The following ADAMTS7 variants were observed in gnomAD, a reference collection of about 807,000 sequenced individuals.
ADAMTS7 encodes the protein ADAM metallopeptidase with thrombospondin type 1 motif 7.
In ADAMTS7, 89 loss-of-function variants were observed where a neutral mutation model predicts 172.6. That is an observed-to-expected ratio of 0.52 (90% CI 0.43 to 0.61). ADAMTS7 has a LOEUF of 0.61. ADAMTS7 is among the 20% of genes least tolerant of loss of function. The probability of loss-of-function intolerance (pLI) is 0.00; values close to 1 mark genes in which losing one functional copy is unlikely to be tolerated. For missense variants in ADAMTS7, 1,973 were observed against 2,355.6 expected, an observed-to-expected ratio of 0.84 and a Z score of 3.36; for synonymous variants, 885 against 978.4, an observed-to-expected ratio of 0.90 and a Z score of 1.78.
At position 78,765,640 on chromosome 15, in the gene ADAMTS7, C is replaced by T; in HGVS notation, c.4266+5G>A. The T allele has an allele frequency of 3.1e-6, 5 of 1,607,342 alleles. No individual in the cohort carries two copies. Among genetic ancestry groups the T allele is most frequent in the Non-Finnish European group, 3.4e-6 (4 of 1,178,168 alleles). ...CTCCCTGCCCGCCCAGCCCACACCA[C>T]TTGCCTCGCTCCAGTTTCCCGCTTG... is the stretch of plus-strand genomic sequence containing the variant. On this transcript the variant is annotated splice_donor_5th_base_variant and intron_variant, in intron 19 of 23. Coordinates refer to ENST00000388820, the MANE Select transcript of ADAMTS7 (RefSeq NM_014272.5).
intron 3 of ADAMTS7, 99 bp downstream of exon 3, chr15:78,797,849 G>A: frequency 7.4e-7 from 1 of 1,358,200 alleles, no homozygotes; most frequent in Non-Finnish European, 1.0e-6. Context: ...CTGGTCTAAG[G>A]GGCACTGGGC....
At chr15:78,800,678 G>C (rs552546000) in intron 1 of ADAMTS7, 131 bp from the exon 2 acceptor site, 1 of 789,794 alleles carries the variant, frequency 1.3e-6, no homozygotes, top group East Asian at 2.7e-5. Flanking sequence ...TCCTCGCCGG[G>C]CTATCTACTA....
chr15:78,771,926 G>C lies in ADAMTS7; in HGVS notation c.2132-97C>G, dbSNP rs1596180237. On this transcript the variant is annotated intron_variant, in intron 14 of 23. Transcript: ENST00000388820. The surrounding 1 kb of genome is among the most constrained non-coding windows in gnomAD (Gnocchi z 4.9). ...TGTCTCTCCCCACTTGCCTCCGCCT[G>C]CTGATGCCAAAGCTTTAAAGTCTGA... 1.3e-6 allele frequency: 2 copies of C among 1,499,964 alleles called. No individual in the cohort carries two copies. Among genetic ancestry groups the C allele is most frequent in the East Asian group, 4.6e-5 (2 of 43,542 alleles). The allele number at this position is 1,499,964 out of a possible 1,614,324, so 92.9% of individuals were successfully genotyped here.
At chr15:78,791,328 T>G in intron 4 of ADAMTS7, 105 bp from the exon 5 acceptor site, 1 of 854,084 alleles carries the variant, frequency 1.2e-6, no homozygotes, top group Non-Finnish European at 1.8e-6. Context: ...ACACCTGTGC[T>G]CACACACAGG....
At chr15:78,768,932 G>A (rs1208778973) in intron 16 of ADAMTS7, among the ~76,000 whole-genome samples, 2 of 152,224 alleles carry the variant, frequency 1.3e-5, no homozygotes, top group African/African-American at 2.4e-5. Context: ...GCTGGCTTGG[G>A]TGATGAGGCG....
intron 1 of ADAMTS7, among the ~76,000 whole-genome samples, chr15:78,801,190 T>C (rs1024706256): frequency 2.0e-5 from 3 of 152,190 alleles, no homozygotes; most frequent in African/African-American, 7.2e-5. Flanking sequence ...GCTCATCGTC[T>C]TACTCTACTC....
chr15:78,809,849 T>C (rs1241099419), intron 1 of ADAMTS7, among the ~76,000 whole-genome samples: 2 of 152,248 alleles, frequency 1.3e-5, no homozygotes, highest in African/African-American at 4.8e-5. Context: ...AAAAGGACTT[T>C]CCATCACTTG....
At chr15:78,796,933 T>C in intron 3 of ADAMTS7, 147 bp from the exon 4 acceptor site, 1 of 695,620 alleles carries the variant, frequency 1.4e-6, no homozygotes, top group Non-Finnish European at 2.3e-6. Flanking sequence ...CTCCTGGCTC[T>C]GTCCCAGATC....
intron 4 of ADAMTS7, among the ~76,000 whole-genome samples, chr15:78,791,562 A>G (rs1461152944): frequency 6.6e-6 from 1 of 152,188 alleles, no homozygotes; most frequent in Non-Finnish European, 1.5e-5. Flanking sequence ...AGCACAGGCG[A>G]TGGCAGCTCA....
chr15:78,798,086 C>T lies in ADAMTS7; in HGVS notation c.484G>A (p.Asp162Asn). The change falls in exon 3 of 24, where the codon GAC becomes AAC. Residue 162 changes from aspartate to asparagine, a missense_variant. Around this residue, in one of 8 missense-constraint regions of ADAMTS7, gnomAD observed 306 missense variants for 288.0 expected, o/e 1.06. Transcript: ENST00000388820. ...CTGTCCAGGGGCTCAATGAAGTAGT[C>T]CTCGTTGGAGAGCTGGAACACACCT... ...LKGVFQLSNE[D>N]YFIEPLDSAP... 6.4e-7 allele frequency: 1 copy of T among 1,561,508 alleles called. No individual in the cohort carries two copies. Among genetic ancestry groups the T allele is most frequent in the Non-Finnish European group, 8.6e-7 (1 of 1,161,652 alleles).
chr15:78,770,938 AC>A, intron 16 of ADAMTS7: 2 of 603,340 alleles, frequency 3.3e-6, no homozygotes, highest in Admixed American at 6.0e-5. Context: ...AGCACACTGA[AC>A]ATGCGCCGCG....
intron 8 of ADAMTS7, among the ~76,000 whole-genome samples, chr15:78,782,710 C>A (rs1355383092): frequency 2.0e-5 from 3 of 152,032 alleles, no homozygotes; most frequent in African/African-American, 7.3e-5. Context: ...CAGGGAGGAA[C>A]CACCCAGAAG....
At chr15:78,778,204 C>T (rs1007332767) in intron 8 of ADAMTS7, among the ~76,000 whole-genome samples, 6 of 152,234 alleles carry the variant, frequency 3.9e-5, no homozygotes, top group African/African-American at 1.2e-4. Context: ...GCAGCGGTAG[C>T]GGGGAAACTG....
chr15:78,796,926 C>T, intron 3 of ADAMTS7, 140 bp from the exon 4 acceptor site: 1 of 726,954 alleles, frequency 1.4e-6, no homozygotes, highest in Non-Finnish European at 2.2e-6. Flanking sequence ...AATTCGCCTC[C>T]TGGCTCTGTC....
In ADAMTS7 at chr15:78,763,702, G is replaced by A. The variant is rs1403686897; in HGVS notation, c.4737C>T (p.Gly1579=). 1 of 1,532,528 alleles carries A rather than the reference G, an allele frequency of 6.5e-7. No individual in the cohort carries two copies. The allele number at this position is 1,532,528 out of a possible 1,614,324, so 94.9% of individuals were successfully genotyped here. A position where few individuals can be genotyped will look rare whatever the true frequency, so the allele number is the denominator to read the frequency against. ...TCCTCCCCGCAGCCCGGCTCACCTG[G>A]CCCCAGGGCCCCACCACCCACTGCG... ...PCTQWVVGPW[G]QCSGPCGGGV... Residue 1579 remains glycine, a synonymous_variant, in exon 22 of 24, where the codon GGC becomes GGT. Transcript: ENST00000388820.
rs1186431611 is a variant in ADAMTS7, at chr15:78,800,426, C to A, written c.222G>T (p.Val74=). 1.2e-6 allele frequency: 2 copies of A among 1,610,452 alleles called. No individual in the cohort carries two copies. Among genetic ancestry groups the A allele is most frequent in the South Asian group, 2.2e-5 (2 of 90,738 alleles). ...CGTAGAAGGCGGGCGCGTCTCGGCG[C>A]ACAGATACATCCCGCTTGCGCAGTG... The part of the protein sequence containing the change: ...PRALRKRDVS[V]RRDAPAFYEL... The change falls in exon 2 of 24, where the codon GTG becomes GTT. Residue 74 remains valine (V), a synonymous_variant. Coordinates refer to ENST00000388820, the MANE Select transcript of ADAMTS7 (RefSeq NM_014272.5).
At chr15:78,805,668 T>TCATTTA (rs1216905872) in intron 1 of ADAMTS7, among the ~76,000 whole-genome samples, 1 of 152,212 alleles carries the variant, frequency 6.6e-6, no homozygotes, top group African/African-American at 2.4e-5. Context: ...CCTTGTTTGC[T>TCATTTA]CATTTACGTT....
chr15:78,767,658 G>C (rs933273806), intron 17 of ADAMTS7, 66 bp from the exon 18 acceptor site: 36 of 1,440,826 alleles, frequency 2.5e-5, no homozygotes, highest in Non-Finnish European at 3.0e-5. Flanking sequence ...TCACCAGCAG[G>C]GGGGGCCAGG....
At chr15:78,774,600 G>A (rs1270241516) in intron 12 of ADAMTS7, 24 bp downstream of exon 12, 3 of 1,611,462 alleles carry the variant, frequency 1.9e-6, no homozygotes, top group Non-Finnish European at 1.7e-6. Context: ...AAGCCTCAAT[G>A]TCTCCATGGG....
Sources: gnomAD v4.1 joint callset for allele counts (sites outside exome capture counted in the v4.1 genomes callset) on GRCh38, gnomAD v4.1.1 for gene constraint, gnomAD v4.1.1 regional missense constraint, Gnocchi (gnomAD v3.1) non-coding constraint, MANE v1.5 for transcripts, NCBI Gene and HGNC (gene_info 2026-07-23, HGNC 2026-07-21) for gene names.